Variants in RHOG observed in about 807,000 individuals in gnomAD.
RHOG encodes the protein ras homolog family member G.
In RHOG, 1 loss-of-function variant was observed where a neutral mutation model predicts 12.3. That is an observed-to-expected ratio of 0.08 (90% confidence interval 0.03 to 0.39). RHOG has a LOEUF of 0.39. RHOG is among the 10% of genes least tolerant of loss of function. The pLI, the probability that RHOG is intolerant of heterozygous loss-of-function variation, is 0.99. For missense variants in RHOG, 114 were observed against 266.2 expected (o/e 0.43, Z 3.98); for synonymous variants, 129 against 116.0 (o/e 1.11, Z -0.72).
At position 3,827,902 on chromosome 11, in the gene RHOG, G is replaced by A; in HGVS notation, c.237C>T (p.Val79=). 1 of 1,614,268 alleles carries A rather than the reference G, an allele frequency of 6.2e-7. No homozygotes were observed. The highest frequency in any genetic ancestry group is 8.5e-7 in the Non-Finnish European group (1 of 1,180,044). ...GCGGACTGGCAATGGAGAAACAGAT[G>A]ACGAAAACGTTGGTCTGAGGGTAGG... ...TLSYPQTNVF[V]ICFSIASPPS... The change falls in exon 2 of 2, where the codon GTC becomes GTT. Residue 79 remains valine, a synonymous_variant. Transcript: ENST00000351018. The surrounding 1 kb of genome is among the most constrained non-coding windows in gnomAD (Gnocchi z 7.3).
rs1186802922 is a variant in RHOG, at chr11:3,827,118, T to G, written c.*445A>C. The G allele has an allele frequency of 5.3e-6, 1 of 188,936 alleles. No homozygotes were observed. Among genetic ancestry groups the G allele is most frequent in the African/African-American group, 2.4e-5 (1 of 42,512 alleles). The allele number at this position is 188,936 out of a possible 1,614,324, so 11.7% of individuals were successfully genotyped here. On this transcript the variant is annotated 3_prime_UTR_variant, in exon 2 of 2. Coordinates refer to ENST00000351018, the MANE Select transcript of RHOG (RefSeq NM_001665.4). The surrounding 1 kb of genome is among the most constrained non-coding windows in gnomAD (Gnocchi z 7.3). ...GCACATTCACCTTCTCAGGATTCTG[T>G]GGCTCCCTCATTGGAGAAGGGAGAG...
At chr11:3,835,992 T>C (rs2090153369) in intron 1 of RHOG, among the ~76,000 whole-genome samples, 1 of 151,400 alleles carries the variant, frequency 6.6e-6, no homozygotes, top group Non-Finnish European at 1.5e-5. Context: ...GGGCTGAGTC[T>C]CTTTCTTCCC....
At chr11:3,835,525 C>A (rs1261346858) in intron 1 of RHOG, among the ~76,000 whole-genome samples, 1 of 152,174 alleles carries the variant, frequency 6.6e-6, no homozygotes, top group Non-Finnish European at 1.5e-5. Context: ...CCTCCCCCAT[C>A]AATCCACAGA....
intron 1 of RHOG, chr11:3,840,536 A>AC (rs34666281): frequency 0.57 from 76,797 of 135,062 alleles, 20,378 homozygotes; most frequent in Middle Eastern, 0.63. Context: ...ACTTCTCAAC[A>AC]CCCCCCCCAC....
chr11:3,829,313 C>G (rs2090112360), intron 1 of RHOG, among the ~76,000 whole-genome samples: 1 of 143,614 alleles, frequency 7.0e-6, no homozygotes, highest in Non-Finnish European at 1.5e-5. Flanking sequence ...AGTGCAGTGG[C>G]GTGATCTCAG....
At chr11:3,839,817 G>A (rs752751167) in intron 1 of RHOG, among the ~76,000 whole-genome samples, 1 of 152,150 alleles carries the variant, frequency 6.6e-6, no homozygotes, top group Non-Finnish European at 1.5e-5. Context: ...GGAATGAGGG[G>A]TGATGGAAGA....
intron 1 of RHOG, among the ~76,000 whole-genome samples, chr11:3,833,111 T>C (rs1039588745): frequency 6.6e-6 from 1 of 152,150 alleles, no homozygotes; most frequent in African/African-American, 2.4e-5. Flanking sequence ...TTTGTTTTGT[T>C]TTTTCTTTTG....
intron 1 of RHOG, among the ~76,000 whole-genome samples, chr11:3,831,745 T>C (rs1454169710): frequency 6.6e-6 from 1 of 152,170 alleles, no homozygotes; most frequent in African/African-American, 2.4e-5. Flanking sequence ...GCCCAGCGGA[T>C]TACGTGGGAA....
intron 1 of RHOG, among the ~76,000 whole-genome samples, chr11:3,839,064 C>T (rs1177144254): frequency 1.3e-5 from 2 of 152,206 alleles, no homozygotes; most frequent in African/African-American, 4.8e-5. Context: ...TTTGCCTCCG[C>T]CGCTTCTTAA....
chr11:3,834,208 C>T (rs148599834), intron 1 of RHOG, among the ~76,000 whole-genome samples: 5 of 152,316 alleles, frequency 3.3e-5, no homozygotes, highest in African/African-American at 1.2e-4. Flanking sequence ...CAGGAGTAAG[C>T]CACTGCACCC....
At chr11:3,829,593 G>A (rs2090113895) in intron 1 of RHOG, among the ~76,000 whole-genome samples, 1 of 151,902 alleles carries the variant, frequency 6.6e-6, no homozygotes, top group Admixed American at 6.6e-5. Flanking sequence ...ATCTGGCCAT[G>A]TACACTCAGA....
intron 1 of RHOG, among the ~76,000 whole-genome samples, chr11:3,834,906 A>G (rs1054945623): frequency 1.3e-5 from 2 of 152,178 alleles, no homozygotes; most frequent in Non-Finnish European, 2.9e-5. Context: ...GAACCTCATT[A>G]TAACTACAAT....
At position 3,827,512 on chromosome 11, in the gene RHOG, G is replaced by C. The variant is rs773357127; in HGVS notation, c.*51C>G. ...CAGCTGAGGCGGACAAGGCACCAAG[G>C]CACAACTGGTGGGGGGAGGGCAGGG... On this transcript the variant is annotated 3_prime_UTR_variant, in exon 2 of 2. Transcript: ENST00000351018. The surrounding 1 kb of genome is among the most constrained non-coding windows in gnomAD (Gnocchi z 7.3). 9.5e-6 allele frequency: 14 copies of C among 1,475,384 alleles called. No individual in the cohort carries two copies. The highest frequency in any genetic ancestry group is 4.1e-5 in the African/African-American group (3 of 72,590). 91.4% of individuals were successfully genotyped at this position (1,475,384 alleles called of 1,614,324 possible). A position where few individuals can be genotyped will look rare whatever the true frequency, so the allele number is the denominator to read the frequency against.
At chr11:3,832,774 A>T (rs1359544014) in intron 1 of RHOG, among the ~76,000 whole-genome samples, 1 of 152,212 alleles carries the variant, frequency 6.6e-6, no homozygotes, top group East Asian at 1.9e-4. Flanking sequence ...GAGGGCATAT[A>T]GAGTCTAAAC....
chr11:3,833,166 C>CA (rs1590477843), intron 1 of RHOG, among the ~76,000 whole-genome samples: 1 of 152,006 alleles, frequency 6.6e-6, no homozygotes, highest in East Asian at 1.9e-4. Context: ...GCAGTGGTGC[C>CA]ATCACAGCTC....
rs7928600 is a variant in RHOG at position 3,828,827 on chromosome 11, G to T, written c.-68-621C>A. 3.3e-3 allele frequency among the ~76,000 whole-genome samples: 502 copies of T among 151,464 alleles called. 2 individuals carry two copies. Among genetic ancestry groups the T allele is most frequent in the Middle Eastern group, 0.021 (6 of 290 alleles). On this transcript the variant is annotated intron_variant, in intron 1 of 1. Transcript: ENST00000351018. The stretch of plus-strand genomic sequence containing the variant: ...AGTAGAGATGGGGTTTCACCGTGTT[G>T]GCCAGGATGGTCTCGATCTCCTGAC...
chr11:3,827,983 G>C lies in RHOG; in HGVS notation c.156C>G (p.Asn52Lys). The change falls in exon 2 of 2, where the codon AAC becomes AAG. Residue 52 changes from asparagine to lysine, a missense_variant. Physicochemically the swap from Asn to Lys is moderately conservative, Grantham distance 94. Around this residue, in one of 2 missense-constraint regions of RHOG, gnomAD observed 53 missense variants for 164.8 expected, o/e 0.32. Transcript: ENST00000351018. The surrounding 1 kb of genome is among the most constrained non-coding windows in gnomAD (Gnocchi z 7.3). ...AQSAVDGRTV[N>K]LNLWDTAGQE... is the part of the protein sequence containing the mutation. ...GGCCCGCAGTGTCCCACAGGTTCAG[G>C]TTCACTGTGCGCCCGTCAACTGCGC... 6.2e-7 allele frequency: 1 copy of C among 1,614,278 alleles called. No homozygotes were observed. Among genetic ancestry groups the C allele is most frequent in the Non-Finnish European group, 8.5e-7 (1 of 1,180,046 alleles).
At position 3,831,608 on chromosome 11, in the gene RHOG, G is replaced by A. The variant is rs141895957; in HGVS notation, c.-68-3402C>T. 2.7e-4 allele frequency among the ~76,000 whole-genome samples: 41 copies of A among 152,308 alleles called. No individual in the cohort carries two copies. The East Asian group carries it at 6.5e-3, about 24-fold the overall frequency. On this transcript the variant is annotated intron_variant, in intron 1 of 1. Transcript: ENST00000351018. ...CTGCTGACTCACTATAACCAAGCAT[G>A]AGGCATTTACGCTTGCTGGGCCTCA...
At chr11:3,840,419 G>C (rs1200163026) in intron 1 of RHOG, 4 of 152,468 alleles carry the variant, frequency 2.6e-5, no homozygotes, top group African/African-American at 9.7e-5. Flanking sequence ...ATCTGACAGG[G>C]AGAGAGCTTT....
Sources: allele counts gnomAD v4.1 joint callset (sites outside exome capture counted in the v4.1 genomes callset), GRCh38; gene constraint gnomAD v4.1.1; regional missense constraint gnomAD v4.1.1; non-coding constraint Gnocchi (gnomAD v3.1); transcripts MANE v1.5; gene names NCBI Gene and HGNC (gene_info 2026-07-23, HGNC 2026-07-21).